Variants in UPK3BL1 observed in about 807,000 individuals in gnomAD.
UPK3BL1 encodes the protein uroplakin-3b-like protein 1.
intron 5 of UPK3BL1, 122 bp downstream of exon 5, chr7:102,638,592 G>A (rs377724042): frequency 0.069 from 34,053 of 494,508 alleles, 56 homozygotes; most frequent in East Asian, 0.093. Context: ...ACCAGGGGGT[G>A]CACAGTGCCC....
At chr7:102,641,881 C>T (rs1455897212) in intron 1 of UPK3BL1, among the ~76,000 whole-genome samples, 23 of 67,976 alleles carry the variant, frequency 3.4e-4, no homozygotes, top group Non-Finnish European at 5.7e-4. Flanking sequence ...GAGACTAAGG[C>T]GGGCATATCA....
At chr7:102,641,434 C>CT (rs1791540238) in intron 1 of UPK3BL1, 1 of 530,528 alleles carries the variant, frequency 1.9e-6, no homozygotes, top group African/African-American at 2.5e-5. Context: ...AGGTCCCCCT[C>CT]TCAGACTCCC....
chr7:102,639,951 C>CA (rs1175258578), intron 3 of UPK3BL1, among the ~76,000 whole-genome samples: 42 of 3,226 alleles, frequency 0.013, no homozygotes, highest in Non-Finnish European at 0.044. Flanking sequence ...GACTCCATCT[C>CA]AAAAAACAAA....
chr7:102,642,109 GAAA>G (rs775435358), intron 1 of UPK3BL1, among the ~76,000 whole-genome samples: 2 of 4,830 alleles, frequency 4.1e-4, no homozygotes, highest in East Asian at 7.2e-3. Flanking sequence ...ACTCTGTCTC[GAAA>G]AAAAAAAAAA....
chr7:102,638,529 TCCCCGA>T (rs1791457975), intron 5 of UPK3BL1, among the ~76,000 whole-genome samples, 179 bp downstream of exon 5: 1 of 141,014 alleles, frequency 7.1e-6, no homozygotes, highest in Admixed American at 7.2e-5. Context: ...CTTGGGCGCC[TCCCCGA>T]CTGGGGTGTC....
chr7:102,642,150 GAAAAA>G (rs1425834532), intron 1 of UPK3BL1, among the ~76,000 whole-genome samples: 2 of 48,852 alleles, frequency 4.1e-5, no homozygotes, highest in Admixed American at 3.2e-4. Flanking sequence ...AAAAGAAAAA[GAAAAA>G]GAGAAGCGGA....
chr7:102,639,963 C>CAAAAAAAAAAAAAA (rs1554350613), intron 3 of UPK3BL1, among the ~76,000 whole-genome samples: 1 of 12,084 alleles, frequency 8.3e-5, no homozygotes, highest in African/African-American at 2.7e-4. Context: ...AAAAACAAAA[C>CAAAAAAAAAAAAAA]AAAAAAAAAA....
intron 3 of UPK3BL1, among the ~76,000 whole-genome samples, chr7:102,639,401 CCT>C (rs1462327415): frequency 8.2e-5 from 12 of 145,748 alleles, no homozygotes; most frequent in African/African-American, 2.5e-4. Flanking sequence ...CGTCCCTCCC[CCT>C]CTCTGGGCTT....
intron 5 of UPK3BL1, 128 bp downstream of exon 5, chr7:102,638,585 AG>A (rs1325804698): frequency 2.0e-6 from 1 of 500,266 alleles, no homozygotes; most frequent in Non-Finnish European, 3.4e-6. Flanking sequence ...TGCTGCCACC[AG>A]GGGGTGCACA....
In UPK3BL1 at chr7:102,637,269, T is replaced by TA; in HGVS notation, c.*255_*256insT. 2.2e-6 allele frequency: 1 copy of TA among 453,476 alleles called. No individual in the cohort carries two copies. The highest frequency in any genetic ancestry group is 4.0e-6 in the Non-Finnish European group (1 of 248,004). The allele number at this position is 453,476 out of a possible 1,614,324, so 28.1% of individuals were successfully genotyped here. A position where few individuals can be genotyped will look rare whatever the true frequency, so the allele number is the denominator to read the frequency against. Reference sequence around the variant, plus strand: ...AAAATGAGCTGGGCATGGTGGCGTGTGCCTGTAGTCCCAGCTACTCAGGAG... The same window carrying TA: ...AAAATGAGCTGGGCATGGTGGCGTGTAGCCTGTAGTCCCAGCTACTCAGGAG... On this transcript the variant is annotated 3_prime_UTR_variant, in exon 6 of 6. Coordinates refer to ENST00000340457, the MANE Select transcript of UPK3BL1 (RefSeq NM_001114403.3).
chr7:102,639,478 A>G (rs200773626), intron 3 of UPK3BL1, among the ~76,000 whole-genome samples: 18,111 of 95,592 alleles, frequency 0.19, 86 homozygotes, highest in East Asian at 0.27. Flanking sequence ...ACATGCGTGA[A>G]TCAAGCATTT....
intron 3 of UPK3BL1, among the ~76,000 whole-genome samples, chr7:102,639,996 G>A (rs1791512820): frequency 8.7e-5 from 1 of 11,452 alleles, no homozygotes; most frequent in Non-Finnish European, 1.7e-4. Flanking sequence ...AAGAAGAAAA[G>A]GAAAAAAAAA....
intron 1 of UPK3BL1, among the ~76,000 whole-genome samples, chr7:102,642,401 TA>T (rs1244904265): frequency 6.7e-4 from 2 of 2,992 alleles, no homozygotes; most frequent in Non-Finnish European, 5.9e-4. Flanking sequence ...ACAAAAATCT[TA>T]AAAAAAAAAA....
chr7:102,640,015 AAG>A, intron 3 of UPK3BL1, among the ~76,000 whole-genome samples, 187 bp downstream of exon 3: 1 of 27,900 alleles, frequency 3.6e-5, no homozygotes, highest in Admixed American at 3.3e-4. Flanking sequence ...AAAAAAAGAG[AAG>A]AAGGATAATT....
In UPK3BL1 at chr7:102,637,068, T is replaced by C. The variant is rs1791404345; in HGVS notation, c.*457A>G. 1 of 176,360 alleles carries C rather than the reference T, an allele frequency of 5.7e-6. No individual in the cohort carries two copies. The highest frequency in any genetic ancestry group is 6.0e-5 in the Admixed American group (1 of 16,552). 10.9% of individuals were successfully genotyped at this position (176,360 alleles called of 1,614,324 possible). ...ATTTCCGATAGAGACTGGCACAAGC[T>C]TTGGGCTAAGGACACCCGCCCCCAC... On this transcript the variant is annotated 3_prime_UTR_variant, in exon 6 of 6. Coordinates refer to ENST00000340457, the MANE Select transcript of UPK3BL1 (RefSeq NM_001114403.3).
At chr7:102,638,163 C>CG (rs1791443630) in intron 5 of UPK3BL1, among the ~76,000 whole-genome samples, 1 of 144,990 alleles carries the variant, frequency 6.9e-6, no homozygotes, top group Admixed American at 6.9e-5. Context: ...ATCCTGACAC[C>CG]CCCCCCTTTT....
chr7:102,638,989 G>T, intron 4 of UPK3BL1, 134 bp downstream of exon 4: 1 of 1,543,366 alleles, frequency 6.5e-7, no homozygotes, highest in Non-Finnish European at 8.7e-7. Context: ...AGGGGCGCCT[G>T]CAGATTGCAA....
Position 102,637,092 on chromosome 7 carries a change from A to G in UPK3BL1, c.*433T>C. 3 of 203,654 alleles carry G rather than the reference A, an allele frequency of 1.5e-5. No homozygotes were observed. In the South Asian group the frequency reaches 1.8e-4, roughly 13 times the overall value. 12.6% of individuals were successfully genotyped at this position (203,654 alleles called of 1,614,324 possible). A position where few individuals can be genotyped will look rare whatever the true frequency, so the allele number is the denominator to read the frequency against. On this transcript the variant is annotated 3_prime_UTR_variant, in exon 6 of 6. Coordinates refer to ENST00000340457, the MANE Select transcript of UPK3BL1 (RefSeq NM_001114403.3). ...CTTTGGGCTAAGGACACCCGCCCCCACCCTCATCTAGAAACAATCTCTCTC... is the reference window on the plus strand; with the variant it reads ...CTTTGGGCTAAGGACACCCGCCCCCGCCCTCATCTAGAAACAATCTCTCTC...
At chr7:102,641,585 G>C in intron 1 of UPK3BL1, 1 of 641,652 alleles carries the variant, frequency 1.6e-6, no homozygotes, top group Non-Finnish European at 1.8e-6. Flanking sequence ...CCAAATACTG[G>C]TCTAGGAGAA....
Sources: allele counts gnomAD v4.1 joint callset (sites outside exome capture counted in the v4.1 genomes callset), GRCh38; gene constraint gnomAD v4.1.1; transcripts MANE v1.5; gene names NCBI Gene and HGNC (gene_info 2026-07-23, HGNC 2026-07-21).